Variants in GSE1 observed in about 807,000 individuals in gnomAD.
GSE1 encodes Gse1 coiled-coil protein.
A neutral mutation model predicts 112.6 loss-of-function variants in GSE1; 32 were observed. That is an observed-to-expected ratio of 0.28 (90% confidence interval 0.21 to 0.38). The LOEUF is 0.38. GSE1 is among the 10% of genes least tolerant of loss of function. GSE1 has a pLI of 1.00. For synonymous variants in GSE1, 1,115 were observed against 735.6 expected (o/e 1.52, Z -8.35); for missense variants, 2,348 against 1,699.2 (o/e 1.38, Z -6.71).
Position 85,674,511 on chromosome 16 carries a change from TG to T in GSE1, c.*1974del, listed in dbSNP as rs2053574909. On this transcript the variant is annotated 3_prime_UTR_variant, in exon 16 of 16. Transcript: ENST00000253458. ...ACAAACTATCAGGGCAAAATCTCACTGGATTTCTCCACTGAAAACCTACTTG... is the reference window on the plus strand; with the variant it reads ...ACAAACTATCAGGGCAAAATCTCACTGATTTCTCCACTGAAAACCTACTTG... The T allele has an allele frequency of 3.9e-5, 6 of 152,334 alleles. No individual in the cohort carries two copies. The South Asian group carries it at 1.2e-3, about 32-fold the overall frequency. 9.4% of individuals were successfully genotyped at this position (152,334 alleles called of 1,614,324 possible).
intron 1 of GSE1, chr16:85,285,560 TA>T (rs2044996182): frequency 6.6e-6 from 1 of 151,768 alleles, no homozygotes; most frequent in African/African-American, 2.4e-5. Context: ...TGGGTGCCTG[TA>T]ATCCCAGCTA....
intron 2 of GSE1, among the ~76,000 whole-genome samples, chr16:85,382,933 CACA>C (rs528695861): frequency 1.9e-4 from 29 of 151,594 alleles, no homozygotes; most frequent in Non-Finnish European, 3.5e-4. Context: ...CACACGCGCA[CACA>C]ACACGTACAC....
chr16:85,309,651 T>G, intron 1 of GSE1, among the ~76,000 whole-genome samples: 1 of 152,242 alleles, frequency 6.6e-6, no homozygotes, highest in East Asian at 1.9e-4. Context: ...TGCCAGGACC[T>G]GTCCACCTCT....
upstream of GSE1, among the ~76,000 whole-genome samples, chr16:85,612,137 G>C (rs1463973390): frequency 1.3e-5 from 2 of 151,912 alleles, no homozygotes; most frequent in African/African-American, 2.4e-5. Flanking sequence ...GGGGGTTACA[G>C]CCCAGGGCGC....
At chr16:85,472,756 CT>C (rs1367931823) in intron 2 of GSE1, among the ~76,000 whole-genome samples, 1 of 152,218 alleles carries the variant, frequency 6.6e-6, no homozygotes, top group African/African-American at 2.4e-5. Flanking sequence ...GGCCTAAAGG[CT>C]AAGGACAAGA....
intron 1 of GSE1, among the ~76,000 whole-genome samples, chr16:85,183,654 G>A (rs1256199198): frequency 6.6e-6 from 1 of 152,210 alleles, no homozygotes; most frequent in East Asian, 1.9e-4. Flanking sequence ...TTGGTAAGTC[G>A]ACTGGCCTGT....
rs1199483013 is a variant in GSE1, at chr16:85,663,433, G to A, written c.2463G>A (p.Met821Ile). The A allele has an allele frequency of 6.2e-7, 1 of 1,613,924 alleles. No individual in the cohort carries two copies. The highest frequency in any genetic ancestry group is 1.1e-5 in the South Asian group (1 of 91,074). ...AGAAGCGGAGGAAGCGGCGGAGGATGCTGCGAGAGAGAAGCCCGTCGCCCC... is the reference window on the plus strand; with the variant it reads ...AGAAGCGGAGGAAGCGGCGGAGGATACTGCGAGAGAGAAGCCCGTCGCCCC... ...VAQKRRKRRRMLRERSPSPPT... is the reference protein window; with the variant it reads ...VAQKRRKRRRILRERSPSPPT... The change falls in exon 11 of 16, where the codon ATG becomes ATA. Residue 821 changes from methionine (M) to isoleucine (I), a missense_variant. Met to Ile is a conservative substitution (Grantham distance 10). Coordinates refer to ENST00000253458, the MANE Select transcript of GSE1 (RefSeq NM_014615.5).
chr16:85,521,790 CT>C (rs1312972290), intron 2 of GSE1, among the ~76,000 whole-genome samples: 1 of 152,252 alleles, frequency 6.6e-6, no homozygotes, highest in Non-Finnish European at 1.5e-5. Flanking sequence ...CTCTTTCTGT[CT>C]GAGTGTTCTC....
At chr16:85,360,896 T>C (rs2047057769) in intron 2 of GSE1, among the ~76,000 whole-genome samples, 3 of 151,308 alleles carry the variant, frequency 2.0e-5, no homozygotes, top group South Asian at 4.2e-4. Context: ...GCACACGATA[T>C]GCACGTGGAT....
At chr16:85,640,617 A>C (rs1016517619) in intron 2 of GSE1, among the ~76,000 whole-genome samples, 1 of 152,198 alleles carries the variant, frequency 6.6e-6, no homozygotes, top group African/African-American at 2.4e-5. Flanking sequence ...ACCACGGAGC[A>C]GGGACCACAG....
intron 2 of GSE1, among the ~76,000 whole-genome samples, chr16:85,478,903 CTTTCTTTCTTTCTTTCTTTCTT>C (rs2050568066): frequency 1.5e-5 from 1 of 67,532 alleles, no homozygotes; most frequent in African/African-American, 7.0e-5. Context: ...TTCTTTCTTT[CTTTCTTTCTTTCTTTCTTTCTT>C]TCTCTTTCTT....
chr16:85,232,628 G>C (rs565321430), intron 1 of GSE1, among the ~76,000 whole-genome samples: 26 of 152,350 alleles, frequency 1.7e-4, no homozygotes, highest in African/African-American at 6.0e-4. Flanking sequence ...GGCAGGAGGA[G>C]GTGGCTTCCC....
chr16:85,627,980 G>C (rs973563846), intron 1 of GSE1, among the ~76,000 whole-genome samples: 2 of 152,132 alleles, frequency 1.3e-5, no homozygotes, highest in East Asian at 1.9e-4. Context: ...TGGGGGCTTC[G>C]TGCCGAGGCC....
At chr16:85,393,213 G>T (rs1310033681) in intron 2 of GSE1, among the ~76,000 whole-genome samples, 1 of 152,236 alleles carries the variant, frequency 6.6e-6, no homozygotes, top group Non-Finnish European at 1.5e-5. Context: ...AGACTGCAAT[G>T]AACTGTGATT....
At chr16:85,574,243 G>A (rs2046128641) in intron 1 of GSE1, among the ~76,000 whole-genome samples, 1 of 152,192 alleles carries the variant, frequency 6.6e-6, no homozygotes, top group Non-Finnish European at 1.5e-5. Context: ...TCCATAGCAG[G>A]CCCCCAGAAT....
At chr16:85,535,900 C>T (rs529329998) in intron 2 of GSE1, among the ~76,000 whole-genome samples, 162 of 152,328 alleles carry the variant, frequency 1.1e-3, no homozygotes, top group African/African-American at 3.6e-3. Context: ...TGGTCTCTGA[C>T]GGGCATTCAT....
chr16:85,556,666 G>C (rs2045232379), intron 1 of GSE1, among the ~76,000 whole-genome samples: 1 of 151,096 alleles, frequency 6.6e-6, no homozygotes, highest in Non-Finnish European at 1.5e-5. Context: ...GGAGCGAGCG[G>C]CCGAGGCACT....
At chr16:85,397,465 G>T (rs1051930032) in intron 2 of GSE1, among the ~76,000 whole-genome samples, 1 of 152,234 alleles carries the variant, frequency 6.6e-6, no homozygotes, top group Non-Finnish European at 1.5e-5. Context: ...GGAACATGTG[G>T]TCTCTGCTGG....
chr16:85,346,711 A>G (rs1373554975), intron 1 of GSE1, among the ~76,000 whole-genome samples: 4 of 149,876 alleles, frequency 2.7e-5, no homozygotes, highest in Non-Finnish European at 5.9e-5. Flanking sequence ...AGGTAGATGG[A>G]TGGTGGATGA....
Sources: allele counts gnomAD v4.1 joint callset (sites outside exome capture counted in the v4.1 genomes callset), GRCh38; gene constraint gnomAD v4.1.1; transcripts MANE v1.5; gene names NCBI Gene and HGNC (gene_info 2026-07-23, HGNC 2026-07-21).